The following CALD1 variants were observed in gnomAD, a reference collection of about 807,000 sequenced individuals.
CALD1 encodes the protein caldesmon.
Under a neutral mutation model 99.9 loss-of-function variants are expected in CALD1, and 33 were observed. That is an observed-to-expected ratio of 0.33 (90% CI 0.25 to 0.44). The LOEUF (loss-of-function observed/expected upper bound fraction) is 0.44, where lower values mean the gene tolerates loss of function less well. CALD1 is among the 20% of genes least tolerant of loss of function. The probability of loss-of-function intolerance (pLI) is 1.00; values close to 1 mark genes in which losing one functional copy is unlikely to be tolerated. For synonymous variants in CALD1, 310 were observed against 325.0 expected, an observed-to-expected ratio of 0.95 and a Z score of 0.50; for missense variants, 861 against 962.1, an observed-to-expected ratio of 0.89 and a Z score of 1.39.
the CALD1 span, among the ~76,000 whole-genome samples, chr7:134,718,015 G>A: frequency 6.6e-6 from 1 of 152,166 alleles, no homozygotes; most frequent in Non-Finnish European, 1.5e-5. Context: ...AATGCTTCCA[G>A]AAGGTAGAAT....
intron 1 of CALD1, among the ~76,000 whole-genome samples, chr7:134,823,389 T>C (rs1049022927): frequency 1.1e-4 from 16 of 152,186 alleles, no homozygotes; most frequent in African/African-American, 2.9e-4. Context: ...TGAATATGAA[T>C]TGCCCCCTTT....
In CALD1 at chr7:134,783,393, G is replaced by A. The variant is rs973025710; in HGVS notation, c.-130+3644G>A. Among the ~76,000 whole-genome samples, 2 of 152,196 alleles carry A rather than the reference G, an allele frequency of 1.3e-5. No individual in the cohort carries two copies. The highest frequency in any genetic ancestry group is 4.8e-5 in the African/African-American group (2 of 41,444). On this transcript the variant is annotated intron_variant, in intron 1 of 14. Coordinates refer to ENST00000361675, the MANE Select transcript of CALD1 (RefSeq NM_033138.4). This position sits in a 1 kb window ranked among gnomAD's most constrained non-coding sequence, Gnocchi z 4.3. Reference sequence around the variant, plus strand: ...AATTTGCAGGGGCCAGCTCTAAGATGAGGCCCAGAGTACAGCAGAACACTC... The same window carrying A: ...AATTTGCAGGGGCCAGCTCTAAGATAAGGCCCAGAGTACAGCAGAACACTC...
intron 3 of CALD1, among the ~76,000 whole-genome samples, chr7:134,918,404 C>T (rs1261007378): frequency 9.2e-5 from 14 of 152,162 alleles, no homozygotes; most frequent in Admixed American, 9.2e-4. Flanking sequence ...ATAGATGAAT[C>T]TCAAAAACAT....
chr7:134,861,795 C>T (rs755844595), intron 2 of CALD1, among the ~76,000 whole-genome samples: 1 of 152,088 alleles, frequency 6.6e-6, no homozygotes, highest in Non-Finnish European at 1.5e-5. Flanking sequence ...TCAGAGAGGA[C>T]CTGTCTAATA....
chr7:134,913,185 G>A (rs1213737448), intron 3 of CALD1, among the ~76,000 whole-genome samples: 2 of 152,148 alleles, frequency 1.3e-5, no homozygotes, highest in African/African-American at 2.4e-5. Context: ...AGAATTGCTT[G>A]AACCAGGGAC....
chr7:134,745,374 A>G (rs1156381546), intron 1 of CALD1: 2 of 152,170 alleles, frequency 1.3e-5, no homozygotes, highest in African/African-American at 4.8e-5. Context: ...TTGCTGGACA[A>G]AAAGGAAAAA....
At chr7:134,937,305 C>T (rs1034261926) in intron 6 of CALD1, among the ~76,000 whole-genome samples, 8 of 152,254 alleles carry the variant, frequency 5.3e-5, no homozygotes, top group African/African-American at 1.4e-4. Context: ...AGTTCAACAG[C>T]GTCCTCTGTG....
chr7:134,965,608 AG>A (rs1191324984), intron 14 of CALD1, among the ~76,000 whole-genome samples: 2 of 152,194 alleles, frequency 1.3e-5, no homozygotes, highest in Non-Finnish European at 2.9e-5. Context: ...AATGGTTCTC[AG>A]TAGGACATTC....
the CALD1 span, among the ~76,000 whole-genome samples, chr7:134,713,980 A>T: frequency 6.6e-6 from 1 of 151,862 alleles, no homozygotes; most frequent in African/African-American, 2.4e-5. Flanking sequence ...AGGGGGATGG[A>T]TTTCCCCTTT....
At chr7:134,837,282 A>G (rs1484301474) in intron 1 of CALD1, among the ~76,000 whole-genome samples, 1 of 152,098 alleles carries the variant, frequency 6.6e-6, no homozygotes, top group African/African-American at 2.4e-5. Flanking sequence ...TAAGTTCAAT[A>G]CTAGGTACTT....
intron 1 of CALD1, among the ~76,000 whole-genome samples, chr7:134,836,801 C>T (rs1799459801): frequency 6.6e-6 from 1 of 152,206 alleles, no homozygotes; most frequent in African/African-American, 2.4e-5. Flanking sequence ...AAACATCTGA[C>T]CTTCATGGAT....
At chr7:134,766,658 G>C (rs182834215) in intron 1 of CALD1, among the ~76,000 whole-genome samples, 2 of 152,270 alleles carry the variant, frequency 1.3e-5, no homozygotes, top group East Asian at 3.9e-4. Context: ...AGGTATTATT[G>C]GTTTCTAGGG....
the CALD1 span, among the ~76,000 whole-genome samples, chr7:134,724,016 T>A: frequency 6.6e-6 from 1 of 152,192 alleles, no homozygotes; most frequent in Non-Finnish European, 1.5e-5. Flanking sequence ...CAAAAAGATG[T>A]GGGGCCTCTT....
chr7:134,913,039 TG>T (rs1803929525), intron 3 of CALD1, among the ~76,000 whole-genome samples: 6 of 151,674 alleles, frequency 4.0e-5, no homozygotes, highest in Middle Eastern at 3.4e-3. Context: ...CTGAGGCGGG[TG>T]GATCACCTGA....
chr7:134,965,476 C>G, intron 14 of CALD1, 90 bp downstream of exon 14: 1 of 754,248 alleles, frequency 1.3e-6, no homozygotes, highest in African/African-American at 1.7e-5. Context: ...AGAAATATCA[C>G]TGACCTACAG....
In CALD1 at chr7:134,968,369, C is replaced by T; in HGVS notation, c.*24C>T. The T allele has an allele frequency of 6.2e-7, 1 of 1,611,820 alleles. No homozygotes were observed. On this transcript the variant is annotated 3_prime_UTR_variant, in exon 15 of 15. Transcript: ENST00000361675. ...GAGACAGTTCCAGAAAGAACCCAAG[C>T]TCAAGACGCAGGACGAGCTCAGTTG... is the stretch of plus-strand genomic sequence containing the variant.
At chr7:134,838,377 A>G (rs980943335) in intron 1 of CALD1, among the ~76,000 whole-genome samples, 18 of 152,238 alleles carry the variant, frequency 1.2e-4, no homozygotes, top group Non-Finnish European at 2.4e-4. Context: ...TAAAGAGGAA[A>G]CATTGTTCAA....
rs929800661 is a variant in CALD1, at chr7:134,947,788, C to T, written c.1794+19C>T. ...AGAGGAGGTAAGGCGGGCGCTAGCCCACTGAGAACGTTGCCCGGGAAAATT... is the reference window on the plus strand; with the variant it reads ...AGAGGAGGTAAGGCGGGCGCTAGCCTACTGAGAACGTTGCCCGGGAAAATT... On this transcript the variant is annotated intron_variant, in intron 8 of 14. Transcript: ENST00000361675. 1.2e-6 allele frequency: 2 copies of T among 1,602,340 alleles called. No homozygotes were observed. Among genetic ancestry groups the T allele is most frequent in the Admixed American group, 3.5e-5 (2 of 57,384 alleles).
upstream of CALD1, among the ~76,000 whole-genome samples, chr7:134,775,891 A>T (rs182736785): frequency 1.3e-5 from 2 of 152,312 alleles, no homozygotes; most frequent in East Asian, 3.9e-4. Context: ...ATTTATTCCC[A>T]GGTAATGAAC....
Sources: allele counts gnomAD v4.1 joint callset (sites outside exome capture counted in the v4.1 genomes callset), GRCh38; gene constraint gnomAD v4.1.1; non-coding constraint Gnocchi (gnomAD v3.1); transcripts MANE v1.5; gene names NCBI Gene and HGNC (gene_info 2026-07-23, HGNC 2026-07-21).